Variants in GPATCH2 observed in about 807,000 individuals in gnomAD.
GPATCH2 encodes G patch domain-containing protein 2.
GPATCH2 carries 51 observed loss-of-function variants against 58.0 expected under a neutral mutation model. The observed-to-expected ratio is 0.88, with a 90% CI of 0.70 to 1.11. The LOEUF is 1.11. Ranked by LOEUF, GPATCH2 falls within the 50% of genes most tolerant of loss-of-function variation. GPATCH2 has a pLI of 0.00. For missense variants in GPATCH2, 625 were observed against 652.2 expected (o/e 0.96, Z 0.45); for synonymous variants, 222 against 218.5 (o/e 1.02, Z -0.14).
At chr1:217,520,534 G>A (rs544134666) in intron 5 of GPATCH2, among the ~76,000 whole-genome samples, 180 of 152,272 alleles carry the variant, frequency 1.2e-3, no homozygotes, top group African/African-American at 4.0e-3. Flanking sequence ...TTTAGGAAAA[G>A]ACTTTGAACT....
At chr1:217,539,365 G>A (rs960810334) in intron 5 of GPATCH2, among the ~76,000 whole-genome samples, 5 of 152,090 alleles carry the variant, frequency 3.3e-5, no homozygotes, top group Non-Finnish European at 5.9e-5. Context: ...TTACTATCTG[G>A]AGATTTTAAA....
chr1:217,576,328 T>C (rs1666802920), intron 5 of GPATCH2, among the ~76,000 whole-genome samples: 1 of 152,160 alleles, frequency 6.6e-6, no homozygotes, highest in South Asian at 2.1e-4. Flanking sequence ...TTCCTAGAAC[T>C]TAACATTATT....
intron 5 of GPATCH2, among the ~76,000 whole-genome samples, chr1:217,544,409 A>G (rs1477546483): frequency 6.6e-6 from 1 of 151,970 alleles, no homozygotes; most frequent in Non-Finnish European, 1.5e-5. Context: ...AAACAAACAA[A>G]CCAAATTATG....
At chr1:217,501,937 C>A (rs1662325972) in intron 6 of GPATCH2, among the ~76,000 whole-genome samples, 1 of 151,994 alleles carries the variant, frequency 6.6e-6, no homozygotes, top group African/African-American at 2.4e-5. Flanking sequence ...TTTTCCAGAA[C>A]ACTAGTTTCA....
intron 1 of GPATCH2, among the ~76,000 whole-genome samples, chr1:217,627,464 C>A (rs1164381337): frequency 6.6e-6 from 1 of 151,828 alleles, no homozygotes; most frequent in Non-Finnish European, 1.5e-5. Flanking sequence ...TTTTAAATCC[C>A]AAATTAAAAA....
At chr1:217,458,314 T>C (rs1017441499) in intron 8 of GPATCH2, among the ~76,000 whole-genome samples, 1 of 152,164 alleles carries the variant, frequency 6.6e-6, no homozygotes, top group African/African-American at 2.4e-5. Context: ...AATGATATCA[T>C]TCCTTGTGTA....
chr1:217,439,838 A>G (rs1386433673), intron 9 of GPATCH2, among the ~76,000 whole-genome samples: 2 of 152,346 alleles, frequency 1.3e-5, no homozygotes, highest in Middle Eastern at 3.4e-3. Flanking sequence ...CCCTGAATAG[A>G]CTAATAACAA....
At chr1:217,626,978 C>T (rs914923436) in intron 1 of GPATCH2, among the ~76,000 whole-genome samples, 2 of 150,356 alleles carry the variant, frequency 1.3e-5, no homozygotes, top group East Asian at 3.9e-4. Flanking sequence ...AAACACCATT[C>T]TCTAGGGAAA....
chr1:217,498,484 T>C, intron 6 of GPATCH2, 89 bp from the exon 7 acceptor site: 6 of 928,044 alleles, frequency 6.5e-6, no homozygotes, highest in Non-Finnish European at 1.1e-5. Context: ...TTAAGAAATT[T>C]GTCACCAGCA....
intron 5 of GPATCH2, among the ~76,000 whole-genome samples, chr1:217,589,926 A>T (rs1345659641): frequency 6.6e-6 from 1 of 152,184 alleles, no homozygotes; most frequent in African/African-American, 2.4e-5. Context: ...CTCTATTTGA[A>T]AAGGAGTTAA....
chr1:217,628,201 C>T (rs1669553759), intron 1 of GPATCH2, among the ~76,000 whole-genome samples: 1 of 151,896 alleles, frequency 6.6e-6, no homozygotes, highest in South Asian at 2.1e-4. Flanking sequence ...CAATGAATGA[C>T]TAAATGACTG....
At chr1:217,545,613 C>A (rs982698322) in intron 5 of GPATCH2, among the ~76,000 whole-genome samples, 1 of 152,182 alleles carries the variant, frequency 6.6e-6, no homozygotes, top group Non-Finnish European at 1.5e-5. Context: ...TGTCTACAGA[C>A]CTTTCTCTTG....
intron 2 of GPATCH2, among the ~76,000 whole-genome samples, chr1:217,618,493 C>A (rs576542843): frequency 6.6e-6 from 1 of 152,188 alleles, no homozygotes; most frequent in Non-Finnish European, 1.5e-5. Context: ...AAGGCATGAG[C>A]CGCCATGCTC....
At chr1:217,547,363 CA>C (rs1241388422) in intron 5 of GPATCH2, among the ~76,000 whole-genome samples, 2 of 149,420 alleles carry the variant, frequency 1.3e-5, no homozygotes, top group African/African-American at 2.4e-5. Flanking sequence ...AAAAAAAAGT[CA>C]AAAAATAACA....
intron 5 of GPATCH2, among the ~76,000 whole-genome samples, chr1:217,564,045 GAAAAAAAAAAAA>G (rs59348467): frequency 5.2e-5 from 3 of 58,216 alleles, no homozygotes; most frequent in African/African-American, 8.2e-5. Flanking sequence ...ACTCCGTCTC[GAAAAAAAAAAAA>G]AAAAAAAAAA....
chr1:217,543,178 T>C (rs1180791193), intron 5 of GPATCH2, among the ~76,000 whole-genome samples: 3 of 151,920 alleles, frequency 2.0e-5, no homozygotes, highest in Admixed American at 2.0e-4. Flanking sequence ...CAACATTTAG[T>C]ACAGAGTAGT....
chr1:217,458,987 C>T (rs1279116528), intron 8 of GPATCH2, among the ~76,000 whole-genome samples: 1 of 152,094 alleles, frequency 6.6e-6, no homozygotes, highest in Non-Finnish European at 1.5e-5. Context: ...TGTCTAATTC[C>T]CAGAACCTAG....
Position 217,449,228 on chromosome 1 carries a change from C to G in GPATCH2, c.1366+21G>C, listed in dbSNP as rs1224441895. 5 of 1,346,220 alleles carry G rather than the reference C, an allele frequency of 3.7e-6. No homozygotes were observed. In the Admixed American group the frequency reaches 8.4e-5, roughly 23 times the overall value. 83.4% of individuals were successfully genotyped at this position (1,346,220 alleles called of 1,614,324 possible). On this transcript the variant is annotated intron_variant, in intron 9 of 9. Transcript: ENST00000366935. ...ATGAACTCTACATTTGTGCTCCACT[C>G]TAACCCTGCTTTTGTTTTACCTGCA... is the stretch of plus-strand genomic sequence containing the variant.
At chr1:217,590,434 C>A (rs993106476) in intron 5 of GPATCH2, among the ~76,000 whole-genome samples, 1 of 152,160 alleles carries the variant, frequency 6.6e-6, no homozygotes, top group Non-Finnish European at 1.5e-5. Flanking sequence ...TTTAGGTCAT[C>A]CACTTACCCA....
Sources: allele counts gnomAD v4.1 joint callset (sites outside exome capture counted in the v4.1 genomes callset), GRCh38; gene constraint gnomAD v4.1.1; transcripts MANE v1.5; gene names NCBI Gene and HGNC (gene_info 2026-07-23, HGNC 2026-07-21).